Variants in FRMD5 observed in about 807,000 individuals in gnomAD.
FRMD5 encodes FERM domain-containing protein 5.
In FRMD5, 20 loss-of-function variants were observed where a neutral mutation model predicts 69.0. The ratio of observed to expected loss-of-function variants is 0.29; its 90% CI spans 0.20 to 0.42. The LOEUF is 0.42. Ranked by LOEUF, FRMD5 falls within the 10% of genes least tolerant of loss-of-function variation. FRMD5 has a pLI of 1.00. For missense variants in FRMD5, 595 were observed against 708.6 expected, an observed-to-expected ratio of 0.84 and a Z score of 1.82; for synonymous variants, 271 against 260.1, an observed-to-expected ratio of 1.04 and a Z score of -0.40.
intron 1 of FRMD5, among the ~76,000 whole-genome samples, chr15:44,094,462 T>C: frequency 6.6e-6 from 1 of 152,080 alleles, no homozygotes; most frequent in East Asian, 1.9e-4. Flanking sequence ...AACCCATTAG[T>C]CCTAACTAGG....
rs948682486 is a variant in FRMD5 at position 44,138,983 on chromosome 15, C to T, written c.102+55970G>A. On this transcript the variant is annotated intron_variant, in intron 1 of 13. Coordinates refer to ENST00000417257, the MANE Select transcript of FRMD5 (RefSeq NM_032892.5). ...GGAGTAGGCCAGCACTGTTGGTGAGCACAGGATTTCTTTTAAGGGGGACAA... is the reference window on the plus strand; with the variant it reads ...GGAGTAGGCCAGCACTGTTGGTGAGTACAGGATTTCTTTTAAGGGGGACAA... Among the ~76,000 whole-genome samples the T allele has an allele frequency of 3.9e-5, 6 of 151,986 alleles. No individual in the cohort carries two copies. The East Asian group carries it at 1.2e-3, about 29-fold the overall frequency.
chr15:44,197,678 CAAAAAAAAAA>C (rs5812271), upstream of FRMD5, among the ~76,000 whole-genome samples: 2 of 84,658 alleles, frequency 2.4e-5, no homozygotes, highest in African/African-American at 9.5e-5. Context: ...GACTCCATCT[CAAAAAAAAAA>C]AAAAAAAAAA....
chr15:44,086,672 G>A (rs901032162), intron 1 of FRMD5, among the ~76,000 whole-genome samples: 6 of 152,090 alleles, frequency 3.9e-5, no homozygotes, highest in Non-Finnish European at 8.8e-5. Flanking sequence ...GCCACTGAAT[G>A]ATACACTAAA....
At chr15:43,971,602 T>C (rs868792673) in intron 1 of FRMD5, among the ~76,000 whole-genome samples, 10 of 149,764 alleles carry the variant, frequency 6.7e-5, no homozygotes, top group Admixed American at 1.3e-4. Flanking sequence ...GAGAATCACT[T>C]GAACCCAGGA....
At chr15:44,060,892 T>C (rs770015115) in intron 1 of FRMD5, among the ~76,000 whole-genome samples, 12 of 152,226 alleles carry the variant, frequency 7.9e-5, no homozygotes, top group Non-Finnish European at 1.8e-4. Context: ...TTATATCCCT[T>C]AAAAATATAT....
intron 1 of FRMD5, among the ~76,000 whole-genome samples, chr15:44,044,556 T>C (rs965876010): frequency 2.0e-5 from 3 of 152,256 alleles, no homozygotes; most frequent in Admixed American, 6.5e-5. Context: ...ATATATGGCA[T>C]ATATACACCA....
At chr15:43,884,634 C>T (rs1010338556) in intron 12 of FRMD5, 93 bp downstream of exon 12, 1 of 1,152,482 alleles carries the variant, frequency 8.7e-7, no homozygotes, top group African/African-American at 1.5e-5. Context: ...TTGGTAGCCA[C>T]TGGAGCCAGG....
upstream of FRMD5, among the ~76,000 whole-genome samples, chr15:44,199,058 A>G (rs777392374): frequency 1.3e-5 from 2 of 152,148 alleles, no homozygotes; most frequent in African/African-American, 2.4e-5. Flanking sequence ...CAGATATTCT[A>G]TACCCTGCTG....
At chr15:43,964,065 T>A (rs931001712) in intron 1 of FRMD5, among the ~76,000 whole-genome samples, 12 of 151,572 alleles carry the variant, frequency 7.9e-5, no homozygotes, top group Non-Finnish European at 1.2e-4. Context: ...ATAATAATAA[T>A]AAAAAGAATA....
Position 43,871,325 on chromosome 15 carries a change from G to A in FRMD5, c.*2560C>T, listed in dbSNP as rs1323310171. On this transcript the variant is annotated 3_prime_UTR_variant, in exon 14 of 14. Coordinates refer to ENST00000417257, the MANE Select transcript of FRMD5 (RefSeq NM_032892.5). Reference sequence around the variant, plus strand: ...TAGAAATGGCATAGACTACTGTACTGTTAGAACTCTAGACACAAGGAACAT... The same window carrying A: ...TAGAAATGGCATAGACTACTGTACTATTAGAACTCTAGACACAAGGAACAT... 1 of 152,186 alleles carries A rather than the reference G, an allele frequency of 6.6e-6. No homozygotes were observed. Among genetic ancestry groups the A allele is most frequent in the East Asian group, 1.9e-4 (1 of 5,202 alleles). The allele number at this position is 152,186 out of a possible 1,614,324, so 9.4% of individuals were successfully genotyped here.
intron 13 of FRMD5, among the ~76,000 whole-genome samples, chr15:43,882,364 TTC>T (rs2088553601): frequency 6.6e-6 from 1 of 151,606 alleles, no homozygotes; most frequent in Non-Finnish European, 1.5e-5. Context: ...ACAAATTTCT[TTC>T]TTTTTTTTTT....
Position 44,069,831 on chromosome 15 carries a change from C to T in FRMD5, c.102+125122G>A, listed in dbSNP as rs79262461. On this transcript the variant is annotated intron_variant, in intron 1 of 13. Transcript: ENST00000417257. The stretch of plus-strand genomic sequence containing the variant: ...CTGGGTAAAAGATACATAGGCTCTC[C>T]TCTTTGTATTATTTCTTACAACTGC... Among the ~76,000 whole-genome samples the T allele has an allele frequency of 7.5e-3, 1,146 of 152,290 alleles. 3 individuals carry two copies. Among genetic ancestry groups the T allele is most frequent in the Non-Finnish European group, 0.012 (816 of 68,018 alleles).
intron 1 of FRMD5, among the ~76,000 whole-genome samples, chr15:44,131,992 T>C (rs990969187): frequency 2.0e-5 from 3 of 152,184 alleles, no homozygotes; most frequent in Non-Finnish European, 4.4e-5. Flanking sequence ...ACTCACCATA[T>C]GTAGAAGCAG....
intron 1 of FRMD5, among the ~76,000 whole-genome samples, chr15:44,138,953 A>G (rs1209728599): frequency 6.6e-6 from 1 of 152,130 alleles, no homozygotes; most frequent in African/African-American, 2.4e-5. Flanking sequence ...CAGAAAAGAG[A>G]GTGGGGAGTA....
At chr15:44,085,366 C>T (rs1436061793) in intron 1 of FRMD5, among the ~76,000 whole-genome samples, 1 of 152,104 alleles carries the variant, frequency 6.6e-6, no homozygotes, top group Non-Finnish European at 1.5e-5. Flanking sequence ...TAAAAAGCCT[C>T]TGCCAACAAA....
At chr15:44,178,728 C>T (rs2077943675) in intron 1 of FRMD5, among the ~76,000 whole-genome samples, 1 of 152,160 alleles carries the variant, frequency 6.6e-6, no homozygotes, top group Admixed American at 6.5e-5. Flanking sequence ...GGTACGGTGG[C>T]TCACACTTGT....
intron 1 of FRMD5, among the ~76,000 whole-genome samples, chr15:43,974,423 T>TA (rs2090433594): frequency 6.6e-6 from 1 of 152,242 alleles, no homozygotes; most frequent in Admixed American, 6.5e-5. Flanking sequence ...ATTCTCTACT[T>TA]ATACTCTTCC....
Position 43,871,150 on chromosome 15 carries a change from A to G in FRMD5, c.*2735T>C, listed in dbSNP as rs1480455336. 1 of 152,252 alleles carries G rather than the reference A, an allele frequency of 6.6e-6. No homozygotes were observed. The highest frequency in any genetic ancestry group is 6.5e-5 in the Admixed American group (1 of 15,290). The allele number at this position is 152,252 out of a possible 1,614,324, so 9.4% of individuals were successfully genotyped here. On this transcript the variant is annotated 3_prime_UTR_variant, in exon 14 of 14. Transcript: ENST00000417257. Reference sequence around the variant, plus strand: ...AATTTTTAAAGGTGGAGATATACCAAAAAAGACTAGTCACCAATCAAAGGA... The same window carrying G: ...AATTTTTAAAGGTGGAGATATACCAGAAAAGACTAGTCACCAATCAAAGGA...
chr15:44,103,188 C>T (rs2076665903), intron 1 of FRMD5, among the ~76,000 whole-genome samples: 1 of 152,150 alleles, frequency 6.6e-6, no homozygotes, highest in African/African-American at 2.4e-5. Context: ...GCATGAGTGT[C>T]CACTTGACTC....
Sources: allele counts gnomAD v4.1 joint callset (sites outside exome capture counted in the v4.1 genomes callset), GRCh38; gene constraint gnomAD v4.1.1; transcripts MANE v1.5; gene names NCBI Gene and HGNC (gene_info 2026-07-23, HGNC 2026-07-21).